The following PRDM1 variants were observed in gnomAD, a reference collection of about 807,000 sequenced individuals.
PRDM1 encodes the protein PR domain zinc finger protein 1.
PRDM1 carries 13 observed loss-of-function variants against 62.8 expected under a neutral mutation model. The ratio of observed to expected loss-of-function variants is 0.21; its 90% CI spans 0.13 to 0.33. The LOEUF is 0.33. Among genes scored for constraint, PRDM1 ranks in the 10% least tolerant of loss-of-function variants. PRDM1 has a pLI of 1.00. For synonymous variants in PRDM1, 396 were observed against 417.6 expected (o/e 0.95, Z 0.63); for missense variants, 895 against 1,058.8 (o/e 0.85, Z 2.15).
chr6:106,058,195 A>G (rs1238835262), intron 1 of PRDM1, among the ~76,000 whole-genome samples: 1 of 152,234 alleles, frequency 6.6e-6, no homozygotes, highest in Non-Finnish European at 1.5e-5. Flanking sequence ...CTTGTAAACA[A>G]AAGAAGTTTA....
At chr6:106,010,813 G>A (rs973474919) in intron 1 of PRDM1, among the ~76,000 whole-genome samples, 1 of 152,158 alleles carries the variant, frequency 6.6e-6, no homozygotes, top group Non-Finnish European at 1.5e-5. Flanking sequence ...GAACCTGCAT[G>A]GGGCGATGAC....
rs1485802448 is a variant in PRDM1 at position 106,095,752 on chromosome 6, C to G, written c.411+18C>G. ...TTTGGAGGGTAAGTAAGGGAAATTTCTTCAGACCCATTAAATGTTAGGAAA... is the reference window on the plus strand; with the variant it reads ...TTTGGAGGGTAAGTAAGGGAAATTTGTTCAGACCCATTAAATGTTAGGAAA... On this transcript the variant is annotated intron_variant, in intron 3 of 6. Coordinates refer to ENST00000369096, the MANE Select transcript of PRDM1 (RefSeq NM_001198.4). 6.2e-7 allele frequency: 1 copy of G among 1,612,578 alleles called. No individual in the cohort carries two copies. The highest frequency in any genetic ancestry group is 2.2e-5 in the East Asian group (1 of 44,858).
chr6:106,081,505 GTCC>G (rs1773693171), upstream of PRDM1, among the ~76,000 whole-genome samples: 1 of 152,148 alleles, frequency 6.6e-6, no homozygotes, highest in African/African-American at 2.4e-5. Context: ...CTGACCTCTG[GTCC>G]TCAGTTTCCT....
At chr6:106,000,010 T>C (rs928155056) in intron 1 of PRDM1, among the ~76,000 whole-genome samples, 20 of 152,210 alleles carry the variant, frequency 1.3e-4, no homozygotes, top group Non-Finnish European at 1.5e-4. Flanking sequence ...CCACCACGCC[T>C]GGCTAATTTT....
At chr6:106,063,141 C>G (rs1773373740) in intron 1 of PRDM1, among the ~76,000 whole-genome samples, 1 of 152,188 alleles carries the variant, frequency 6.6e-6, no homozygotes, top group Non-Finnish European at 1.5e-5. Context: ...TAAACTAACT[C>G]AACACCTCCT....
At chr6:106,104,769 T>C in intron 4 of PRDM1, 56 bp from the exon 5 acceptor site, 2 of 1,529,158 alleles carry the variant, frequency 1.3e-6, no homozygotes, top group Non-Finnish European at 1.8e-6. Context: ...ACTTTGGCAG[T>C]TTTGCTTCAG....
intron 1 of PRDM1, among the ~76,000 whole-genome samples, chr6:106,017,997 G>A (rs763566733): frequency 2.0e-5 from 3 of 152,092 alleles, no homozygotes; most frequent in Non-Finnish European, 4.4e-5. Flanking sequence ...CTAGTCCAGC[G>A]TCTTGGATTT....
intron 3 of PRDM1, chr6:106,098,932 A>C: frequency 6.6e-7 from 1 of 1,521,484 alleles, no homozygotes; most frequent in South Asian, 1.3e-5. Context: ...CATAATCGGA[A>C]CTGAAGTCAG....
At chr6:106,083,275 G>A (rs899998090), upstream of PRDM1, among the ~76,000 whole-genome samples, 5 of 151,710 alleles carry the variant, frequency 3.3e-5, no homozygotes, top group African/African-American at 1.2e-4. Flanking sequence ...TTATTCTCTT[G>A]ATGTGGTTAG....
chr6:106,032,338 T>C (rs1303597259), intron 1 of PRDM1, among the ~76,000 whole-genome samples: 3 of 150,072 alleles, frequency 2.0e-5, no homozygotes, highest in Non-Finnish European at 4.5e-5. Context: ...TTTTTTTTTT[T>C]TCTTTTTGGT....
At chr6:106,026,394 G>T (rs1255432540) in intron 1 of PRDM1, among the ~76,000 whole-genome samples, 1 of 152,030 alleles carries the variant, frequency 6.6e-6, no homozygotes, top group African/African-American at 2.4e-5. Context: ...CAGGAGAATC[G>T]CTTGAACCCG....
intron 1 of PRDM1, among the ~76,000 whole-genome samples, chr6:106,016,727 C>T (rs1485946949): frequency 6.7e-6 from 1 of 148,364 alleles, no homozygotes; most frequent in African/African-American, 2.5e-5. Flanking sequence ...CGGCTCATTG[C>T]AACCTCCAGC....
intron 4 of PRDM1, among the ~76,000 whole-genome samples, chr6:106,100,784 G>A (rs567885018): frequency 1.8e-4 from 27 of 152,182 alleles, no homozygotes; most frequent in South Asian, 2.1e-4. Context: ...GACCTCCCCC[G>A]TAGGGGAGGT....
In PRDM1 at chr6:106,086,521, G is replaced by A; in HGVS notation, c.-33G>A. 1 of 1,547,804 alleles carries A rather than the reference G, an allele frequency of 6.5e-7. No homozygotes were observed. On this transcript the variant is annotated 5_prime_UTR_variant, in exon 1 of 7. The change creates a premature stop within an existing upstream ORF in the 5' untranslated region. Coordinates refer to ENST00000369096, the MANE Select transcript of PRDM1 (RefSeq NM_001198.4). The stretch of plus-strand genomic sequence containing the variant: ...CTGGCGGGGGACGCGGGGAGAATGT[G>A]GACTGGGTAGAGATGAACGAGACTT...
chr6:106,021,770 G>GC (rs1772699052), intron 1 of PRDM1, among the ~76,000 whole-genome samples: 1 of 152,072 alleles, frequency 6.6e-6, no homozygotes, highest in Admixed American at 6.6e-5. Context: ...ACAGGCACGC[G>GC]CCACCACGCC....
chr6:106,073,555 ACT>A (rs1773554981), intron 1 of PRDM1, among the ~76,000 whole-genome samples: 1 of 151,440 alleles, frequency 6.6e-6, no homozygotes, highest in Non-Finnish European at 1.5e-5. Context: ...GCGTTAAGGA[ACT>A]CTTATTTTTA....
chr6:106,103,215 CT>C lies in PRDM1; in HGVS notation c.665-1609del, dbSNP rs1423311502. 7.2e-5 allele frequency among the ~76,000 whole-genome samples: 11 copies of C among 152,248 alleles called. No homozygotes were observed. The East Asian group carries it at 2.1e-3, about 29-fold the overall frequency. ...CTCGCCCAGGAGGAACTGATAACCG[CT>C]GGCAGGAGATAACATTCTCTAAGGG... On this transcript the variant is annotated intron_variant, in intron 4 of 6. Transcript: ENST00000369096.
intron 1 of PRDM1, among the ~76,000 whole-genome samples, chr6:106,056,709 T>A (rs1773272116): frequency 6.6e-6 from 1 of 152,258 alleles, no homozygotes. Flanking sequence ...AATGACTTTT[T>A]AAAATAAATT....
intron 1 of PRDM1, among the ~76,000 whole-genome samples, chr6:106,066,363 G>A (rs772801471): frequency 6.6e-6 from 1 of 152,222 alleles, no homozygotes; most frequent in African/African-American, 2.4e-5. Context: ...GCTCGGTCAC[G>A]TCAGTCTTAG....
Sources: gnomAD v4.1 joint callset for allele counts (sites outside exome capture counted in the v4.1 genomes callset) on GRCh38, gnomAD v4.1.1 for gene constraint, MANE v1.5 for transcripts, NCBI Gene and HGNC (gene_info 2026-07-23, HGNC 2026-07-21) for gene names.